FLVCR1: variants seen among roughly 807,000 people sequenced by gnomAD.
FLVCR1 encodes choline/ethanolamine transporter FLVCR1.
FLVCR1 carries 34 observed loss-of-function variants against 53.6 expected under a neutral mutation model. That is an observed-to-expected ratio of 0.63 (90% confidence interval 0.48 to 0.84). FLVCR1 has a LOEUF of 0.84. Ranked by LOEUF, FLVCR1 falls within the 40% of genes least tolerant of loss-of-function variation. The probability of loss-of-function intolerance (pLI) is 0.00; values close to 1 mark genes in which losing one functional copy is unlikely to be tolerated. For synonymous variants in FLVCR1, 300 were observed against 286.3 expected (o/e 1.05, Z -0.48); for missense variants, 677 against 696.7 (o/e 0.97, Z 0.32).
chr1:212,867,432 A>G (rs10864015), intron 2 of FLVCR1, among the ~76,000 whole-genome samples: 70,430 of 152,094 alleles, frequency 0.46, 17,545 homozygotes, highest in Non-Finnish European at 0.56. Flanking sequence ...TTTTATAGAC[A>G]AGGAAACTGA....
chr1:212,864,319 G>T (rs963328), intron 2 of FLVCR1: 119,053 of 258,102 alleles, frequency 0.46, 29,108 homozygotes, highest in Non-Finnish European at 0.52. Context: ...TGAAAATGTT[G>T]ACTAGTGAAT....
chr1:212,888,964 C>T (rs777014896), intron 7 of FLVCR1, among the ~76,000 whole-genome samples, 182 bp from the exon 8 acceptor site: 1 of 152,126 alleles, frequency 6.6e-6, no homozygotes, highest in Non-Finnish European at 1.5e-5. Context: ...GCTAGGATTA[C>T]AGTGGGTGTG....
At chr1:212,884,876 G>A (rs1359804510) in intron 4 of FLVCR1, among the ~76,000 whole-genome samples, 3 of 152,102 alleles carry the variant, frequency 2.0e-5, no homozygotes, top group Admixed American at 1.3e-4. Flanking sequence ...TAAGTATTGT[G>A]TATCTAAATA....
chr1:212,898,830 C>T lies in FLVCR1; in HGVS notation c.*3540C>T, dbSNP rs1015795188. 1.3e-5 allele frequency: 2 copies of T among 152,208 alleles called. No individual in the cohort carries two copies. The highest frequency in any genetic ancestry group is 4.8e-5 in the African/African-American group (2 of 41,442). The allele number at this position is 152,208 out of a possible 1,614,324, so 9.4% of individuals were successfully genotyped here. On this transcript the variant is annotated 3_prime_UTR_variant, in exon 10 of 10. Transcript: ENST00000366971. ...GATGGCAAAGTCTGTCGCTTCTGGG[C>T]TACAGACCTGTACAGCATGGTACTG...
intron 2 of FLVCR1, among the ~76,000 whole-genome samples, chr1:212,871,683 T>C (rs187219573): frequency 3.8e-4 from 58 of 152,300 alleles, no homozygotes; most frequent in Admixed American, 1.2e-3. Flanking sequence ...ATGCCTGACC[T>C]GTGAATTAGT....
intron 5 of FLVCR1, among the ~76,000 whole-genome samples, chr1:212,887,627 T>C (rs1558120106): frequency 6.6e-6 from 1 of 152,226 alleles, no homozygotes; most frequent in African/African-American, 2.4e-5. Flanking sequence ...AATAGGGAAC[T>C]ATCCCATTTG....
intron 2 of FLVCR1, among the ~76,000 whole-genome samples, chr1:212,872,103 A>G (rs900340362): frequency 2.0e-5 from 3 of 151,810 alleles, no homozygotes; most frequent in Non-Finnish European, 2.9e-5. Context: ...CTGATTTTTT[A>G]TTTCTTTTAT....
chr1:212,878,287 G>A (rs1004165425), intron 3 of FLVCR1, among the ~76,000 whole-genome samples: 31 of 152,100 alleles, frequency 2.0e-4, no homozygotes, highest in Non-Finnish European at 4.4e-5. Flanking sequence ...CGGATCACGA[G>A]GTCAGGAGAT....
At chr1:212,875,734 G>A (rs887674278) in intron 3 of FLVCR1, among the ~76,000 whole-genome samples, 2 of 151,584 alleles carry the variant, frequency 1.3e-5, no homozygotes, top group African/African-American at 2.4e-5. Context: ...CTAGCTACTC[G>A]GGAGGCTGAG....
At chr1:212,877,181 G>A (rs1314200600) in intron 3 of FLVCR1, among the ~76,000 whole-genome samples, 35 of 142,574 alleles carry the variant, frequency 2.5e-4, no homozygotes, top group Admixed American at 2.0e-3. Context: ...TGTCGCCCAG[G>A]CTGGAGTGCA....
chr1:212,894,300 C>T (rs1018391087), intron 8 of FLVCR1, among the ~76,000 whole-genome samples: 22 of 152,174 alleles, frequency 1.4e-4, no homozygotes, highest in South Asian at 2.1e-4. Context: ...ACTACAGGTG[C>T]GTGCCGCCAC....
intron 1 of FLVCR1, among the ~76,000 whole-genome samples, chr1:212,862,444 C>T (rs1265074223): frequency 6.6e-6 from 1 of 152,170 alleles, no homozygotes; most frequent in African/African-American, 2.4e-5. Context: ...CCTTTTGTGT[C>T]TGGCTTCTTT....
At position 212,873,291 on chromosome 1, in the gene FLVCR1, C is replaced by T. The variant is rs535746376; in HGVS notation, c.1024+473C>T. ...TTGCGCCACTGCACTCCAGCCTGGG[C>T]AATAGAGTGAGACTATCTCAAAAAA... On this transcript the variant is annotated intron_variant, in intron 3 of 9. Coordinates refer to ENST00000366971, the MANE Select transcript of FLVCR1 (RefSeq NM_014053.4). Among the ~76,000 whole-genome samples, 3 of 143,096 alleles carry T rather than the reference C, an allele frequency of 2.1e-5. No individual in the cohort carries two copies. In the Admixed American group the frequency reaches 2.1e-4, roughly 10 times the overall value. The allele number at this position is 143,096 out of a possible 152,430, so 93.9% of individuals were successfully genotyped here. A position where few individuals can be genotyped will look rare whatever the true frequency, so the allele number is the denominator to read the frequency against.
At chr1:212,890,210 A>G (rs900592750) in intron 8 of FLVCR1, among the ~76,000 whole-genome samples, 1 of 152,238 alleles carries the variant, frequency 6.6e-6, no homozygotes, top group Non-Finnish European at 1.5e-5. Flanking sequence ...TAGATTTGGA[A>G]GCAGAACTTT....
At chr1:212,892,477 T>C (rs188785717) in intron 8 of FLVCR1, among the ~76,000 whole-genome samples, 2 of 152,366 alleles carry the variant, frequency 1.3e-5, no homozygotes, top group East Asian at 3.9e-4. Context: ...CCGTAGTTGA[T>C]AGTACATCTG....
At chr1:212,884,988 A>G (rs1017111552) in intron 4 of FLVCR1, among the ~76,000 whole-genome samples, 29 of 152,372 alleles carry the variant, frequency 1.9e-4, no homozygotes, top group Non-Finnish European at 3.5e-4. Flanking sequence ...TATGGAGCAC[A>G]TGACTATCTA....
intron 1 of FLVCR1, among the ~76,000 whole-genome samples, chr1:212,861,657 T>A (rs1050325102): frequency 1.3e-5 from 2 of 152,048 alleles, no homozygotes; most frequent in Admixed American, 6.6e-5. Flanking sequence ...TAGCTTTTTG[T>A]TTTATTTTTA....
intron 3 of FLVCR1, among the ~76,000 whole-genome samples, chr1:212,873,420 C>T (rs1407133969): frequency 6.6e-6 from 1 of 152,150 alleles, no homozygotes; most frequent in Non-Finnish European, 1.5e-5. Context: ...CTATAGTTAT[C>T]CTGATGTAAG....
intron 7 of FLVCR1, 113 bp from the exon 8 acceptor site, chr1:212,889,033 T>C (rs1665126435): frequency 2.4e-6 from 2 of 824,426 alleles, no homozygotes; most frequent in Non-Finnish European, 3.9e-6. Flanking sequence ...TTTCAATGAA[T>C]GTTTCTAGAA....
Sources: allele counts gnomAD v4.1 joint callset (sites outside exome capture counted in the v4.1 genomes callset), GRCh38; gene constraint gnomAD v4.1.1; transcripts MANE v1.5; gene names NCBI Gene and HGNC (gene_info 2026-07-23, HGNC 2026-07-21).